The following BMP2K variants were observed in gnomAD, a reference collection of about 807,000 sequenced individuals.
BMP2K encodes the protein BMP2 inducible kinase.
In BMP2K, 74 loss-of-function variants were observed where a neutral mutation model predicts 116.0. The ratio of observed to expected loss-of-function variants is 0.64; its 90% CI spans 0.53 to 0.77. The LOEUF is 0.77. Among genes scored for constraint, BMP2K ranks in the 30% least tolerant of loss-of-function variants. The pLI, the probability that BMP2K is intolerant of heterozygous loss-of-function variation, is 0.00. For synonymous variants in BMP2K, 486 were observed against 502.5 expected (o/e 0.97, Z 0.44); for missense variants, 1,365 against 1,403.6 (o/e 0.97, Z 0.44).
intron 1 of BMP2K, among the ~76,000 whole-genome samples, chr4:78,786,311 A>C (rs1379366489): frequency 1.3e-5 from 2 of 152,072 alleles, no homozygotes; most frequent in African/African-American, 4.8e-5. Flanking sequence ...GTGAGGAAAC[A>C]AGCCCTCTCC....
intron 7 of BMP2K, among the ~76,000 whole-genome samples, chr4:78,856,343 C>G (rs1048600391): frequency 1.3e-5 from 2 of 152,014 alleles, no homozygotes; most frequent in African/African-American, 4.8e-5. Context: ...AGTCACCATG[C>G]CTGGCTGAAA....
rs1309930915 is a variant in BMP2K at position 78,870,926 on chromosome 4, C to G, written c.1375C>G (p.His459Asp). 11 of 1,609,456 alleles carry G rather than the reference C, an allele frequency of 6.8e-6. No homozygotes were observed. Among genetic ancestry groups the G allele is most frequent in the Non-Finnish European group, 9.3e-6 (11 of 1,179,768 alleles). ...ACTCCATTTACAGCATCGTCATCCTCACCAGCAGCAGCAGCAGCAGCAGCA... is the reference window on the plus strand; with the variant it reads ...ACTCCATTTACAGCATCGTCATCCTGACCAGCAGCAGCAGCAGCAGCAGCA... ...QQLHLQHRHP[H>D]QQQQQQQQQQ... The change falls in exon 11 of 16, where the codon CAC (histidine) becomes GAC (aspartate). Residue 459 changes from histidine to aspartate, a missense_variant. Around this residue, in one of 3 missense-constraint regions of BMP2K, gnomAD observed 762 missense variants for 756.7 expected, o/e 1.01. Transcript: ENST00000502613.
intron 6 of BMP2K, among the ~76,000 whole-genome samples, chr4:78,850,546 T>G (rs952726436): frequency 2.0e-5 from 3 of 151,912 alleles, no homozygotes; most frequent in Non-Finnish European, 4.4e-5. Flanking sequence ...TAAACATGCT[T>G]TATAGTGAAT....
At chr4:78,898,437 TATTGA>T (rs1358514901) in intron 15 of BMP2K, among the ~76,000 whole-genome samples, 2 of 151,750 alleles carry the variant, frequency 1.3e-5, no homozygotes, top group East Asian at 3.9e-4. Flanking sequence ...AATAGTTATA[TATTGA>T]ATTAAACTGG....
intron 15 of BMP2K, among the ~76,000 whole-genome samples, chr4:78,890,998 A>C (rs1213163680): frequency 6.6e-6 from 1 of 152,152 alleles, no homozygotes; most frequent in Non-Finnish European, 1.5e-5. Context: ...CAAGAGTTTA[A>C]GACCAGTCTG....
chr4:78,817,652 G>A lies in BMP2K; in HGVS notation c.179-8385G>A, dbSNP rs1037916874. The stretch of plus-strand genomic sequence containing the variant: ...TATTGAGGTCTCACAAAAGAAGCAC[G>A]ATTGATTAAATCATTGGCCATATGA... On this transcript the variant is annotated intron_variant, in intron 1 of 15. Transcript: ENST00000502613. Among the ~76,000 whole-genome samples the A allele has an allele frequency of 3.9e-5, 6 of 152,068 alleles. No homozygotes were observed. In the East Asian group the frequency reaches 7.7e-4, roughly 20 times the overall value.
At chr4:78,811,624 TAA>T (rs1272790090) in intron 1 of BMP2K, among the ~76,000 whole-genome samples, 1 of 152,220 alleles carries the variant, frequency 6.6e-6, no homozygotes, top group Admixed American at 6.5e-5. Flanking sequence ...TATGTGTGTA[TAA>T]GGTAATAAGC....
intron 7 of BMP2K, 197 bp from the exon 8 acceptor site, chr4:78,859,387 A>T (rs994712762): frequency 3.0e-5 from 13 of 432,514 alleles, no homozygotes; most frequent in Admixed American, 1.6e-4. Flanking sequence ...TGATTGATCT[A>T]CCCTTAGCTT....
At chr4:78,791,899 A>G (rs1331532092) in intron 1 of BMP2K, among the ~76,000 whole-genome samples, 2 of 152,214 alleles carry the variant, frequency 1.3e-5, no homozygotes, top group African/African-American at 4.8e-5. Context: ...GCTGCTGTAC[A>G]TATGGTGTAC....
intron 1 of BMP2K, among the ~76,000 whole-genome samples, chr4:78,805,694 G>C (rs1728782668): frequency 6.6e-6 from 1 of 152,076 alleles, no homozygotes; most frequent in South Asian, 2.1e-4. Flanking sequence ...CTTTAGGCTG[G>C]GTGTGGTGGC....
intron 15 of BMP2K, among the ~76,000 whole-genome samples, chr4:78,906,966 G>C (rs1454498789): frequency 6.6e-6 from 1 of 152,070 alleles, no homozygotes; most frequent in Non-Finnish European, 1.5e-5. Context: ...CCCATGAGGA[G>C]GGAATCATAG....
chr4:78,871,783 A>G lies in BMP2K; in HGVS notation c.1510-67A>G, dbSNP rs1003605073. 8.0e-5 allele frequency: 81 copies of G among 1,014,048 alleles called. 1 individual carries two copies. The South Asian group carries it at 9.2e-4, about 12-fold the overall frequency. 62.8% of individuals were successfully genotyped at this position (1,014,048 alleles called of 1,614,324 possible). Reference sequence around the variant, plus strand: ...TTCTCAAATCATTATGGTAAGATCAATACTTTAAAAAAGGGCTCTGACACA... The same window carrying G: ...TTCTCAAATCATTATGGTAAGATCAGTACTTTAAAAAAGGGCTCTGACACA... On this transcript the variant is annotated intron_variant, in intron 11 of 15. Coordinates refer to ENST00000502613, the MANE Select transcript of BMP2K (RefSeq NM_198892.2).
chr4:78,871,862 A>G lies in BMP2K; in HGVS notation c.1522A>G (p.Thr508Ala), dbSNP rs1191069292. 6.2e-7 allele frequency: 1 copy of G among 1,611,914 alleles called. No individual in the cohort carries two copies. ...TTTCTCGTTGTAGTATCAACATGCA[A>G]CACAGCAGCAACAGATGCTTCAACA... Reference protein sequence around the residue: ...DAYMQQYQHATQQQQMLQQQF... With the variant: ...DAYMQQYQHAAQQQQMLQQQF... The change falls in exon 12 of 16, where the codon ACA becomes GCA. Residue 508 changes from threonine (T) to alanine (A), a missense_variant. Thr to Ala is a moderately conservative substitution (Grantham distance 58). Around this residue, in one of 3 missense-constraint regions of BMP2K, gnomAD observed 762 missense variants for 756.7 expected, o/e 1.01. Transcript: ENST00000502613.
chr4:78,843,938 C>T (rs573386358), intron 4 of BMP2K, among the ~76,000 whole-genome samples: 1 of 151,746 alleles, frequency 6.6e-6, no homozygotes, highest in East Asian at 1.9e-4. Context: ...AATATATGTT[C>T]TAAGTAGATT....
chr4:78,808,040 T>C (rs1204864644), intron 1 of BMP2K, among the ~76,000 whole-genome samples: 1 of 152,044 alleles, frequency 6.6e-6, no homozygotes, highest in Non-Finnish European at 1.5e-5. Flanking sequence ...TAGTATGTCT[T>C]GGCTTTTCCT....
Position 78,776,366 on chromosome 4 carries a change from C to T in BMP2K, c.-178C>T, listed in dbSNP as rs1363467435. The stretch of plus-strand genomic sequence containing the variant: ...GAGCCGGGCAGCTGCAGCGGAGCCG[C>T]GGAGCGGGCGGCGGGGCCCAGGCTG... On this transcript the variant is annotated 5_prime_UTR_variant, in exon 1 of 16. Transcript: ENST00000502613. 1.5e-5 allele frequency: 8 copies of T among 528,548 alleles called. No individual in the cohort carries two copies. The East Asian group carries it at 4.7e-4, about 31-fold the overall frequency. 32.7% of individuals were successfully genotyped at this position (528,548 alleles called of 1,614,324 possible).
chr4:78,832,029 A>T (rs966321838), intron 2 of BMP2K, among the ~76,000 whole-genome samples: 1 of 152,178 alleles, frequency 6.6e-6, no homozygotes, highest in Non-Finnish European at 1.5e-5. Flanking sequence ...TTTATGGCTG[A>T]ATAATATCCC....
chr4:78,887,154 G>T lies in BMP2K; in HGVS notation c.1952-20G>T, dbSNP rs368489335. The T allele has an allele frequency of 1.1e-5, 16 of 1,434,872 alleles. No homozygotes were observed. The highest frequency in any genetic ancestry group is 3.8e-5 in the South Asian group (3 of 78,958). The allele number at this position is 1,434,872 out of a possible 1,614,324, so 88.9% of individuals were successfully genotyped here. A position where few individuals can be genotyped will look rare whatever the true frequency, so the allele number is the denominator to read the frequency against. ...TTTATTTCATTTCATTTTTTATTTC[G>T]TTTCATCTTATTTTTGCAGATAGGC... On this transcript the variant is annotated intron_variant, in intron 14 of 15. Coordinates refer to ENST00000502613, the MANE Select transcript of BMP2K (RefSeq NM_198892.2).
intron 15 of BMP2K, among the ~76,000 whole-genome samples, chr4:78,909,548 TATTCC>T (rs998726810): frequency 5.9e-5 from 9 of 152,182 alleles, no homozygotes; most frequent in Non-Finnish European, 1.2e-4. Context: ...TTGCTCACTA[TATTCC>T]AGCCACAATA....
Sources: allele counts gnomAD v4.1 joint callset (sites outside exome capture counted in the v4.1 genomes callset), GRCh38; gene constraint gnomAD v4.1.1; regional missense constraint gnomAD v4.1.1; transcripts MANE v1.5; gene names NCBI Gene and HGNC (gene_info 2026-07-23, HGNC 2026-07-21).